FAM222B: variants seen among roughly 807,000 people sequenced by gnomAD.
The protein encoded by FAM222B is family with sequence similarity 222 member B, also known as protein FAM222B.
A neutral mutation model predicts 38.0 loss-of-function variants in FAM222B; 12 were observed. That is an observed-to-expected ratio of 0.32 (90% confidence interval 0.20 to 0.51). The LOEUF (loss-of-function observed/expected upper bound fraction) is 0.51. FAM222B is among the 20% of genes least tolerant of loss of function. FAM222B has a pLI of 0.97. For synonymous variants in FAM222B, 329 were observed against 317.2 expected, an observed-to-expected ratio of 1.04 and a Z score of -0.40; for missense variants, 716 against 754.2, an observed-to-expected ratio of 0.95 and a Z score of 0.59.
At chr17:28,831,441 T>C (rs904326603) in intron 1 of FAM222B, among the ~76,000 whole-genome samples, 8 of 152,058 alleles carry the variant, frequency 5.3e-5, no homozygotes, top group Non-Finnish European at 8.8e-5. Context: ...TTTTTCAAAA[T>C]TGTTTTGGCT....
At chr17:28,838,954 C>T (rs2038943833) in intron 1 of FAM222B, among the ~76,000 whole-genome samples, 1 of 151,982 alleles carries the variant, frequency 6.6e-6, no homozygotes, top group African/African-American at 2.4e-5. Flanking sequence ...CCTGTAATCC[C>T]AGCACTTTGG....
intron 1 of FAM222B, among the ~76,000 whole-genome samples, chr17:28,817,339 G>A (rs1425067394): frequency 2.0e-5 from 3 of 151,886 alleles, no homozygotes; most frequent in African/African-American, 7.3e-5. Flanking sequence ...CTTGAACCTG[G>A]GAGACAGAGA....
chr17:28,825,880 T>C (rs1280132346), intron 1 of FAM222B, among the ~76,000 whole-genome samples: 2 of 151,764 alleles, frequency 1.3e-5, no homozygotes, highest in Admixed American at 1.3e-4. Context: ...GGTTCAAGAA[T>C]TCTCCTGCCT....
intron 2 of FAM222B, 142 bp downstream of exon 2, chr17:28,766,444 C>G (rs1451736213): frequency 3.0e-6 from 2 of 667,644 alleles, no homozygotes; most frequent in Non-Finnish European, 5.0e-6. Flanking sequence ...GTGACAAGAG[C>G]AAGACTTCGT....
chr17:28,822,250 G>C (rs957094893), intron 1 of FAM222B, among the ~76,000 whole-genome samples: 1 of 149,234 alleles, frequency 6.7e-6, no homozygotes, highest in African/African-American at 2.4e-5. Context: ...TCGATCTCTT[G>C]ACCTCGTGAT....
chr17:28,850,298 GTTTCTTTTTTTT>G (rs1567915491), intron 1 of FAM222B, among the ~76,000 whole-genome samples: 1 of 151,420 alleles, frequency 6.6e-6, no homozygotes, highest in African/African-American at 2.4e-5. Flanking sequence ...GGCCATATGA[GTTTCTTTTTTTT>G]TTTCTTTTTA....
chr17:28,771,383 T>C (rs960888284), intron 1 of FAM222B, among the ~76,000 whole-genome samples: 3 of 152,108 alleles, frequency 2.0e-5, no homozygotes, highest in Non-Finnish European at 4.4e-5. Context: ...TTGCAACATA[T>C]ATAAAATAAC....
chr17:28,759,892 G>A lies in FAM222B; in HGVS notation c.83-16C>T, dbSNP rs1344615912. On this transcript the variant is annotated splice_polypyrimidine_tract_variant and intron_variant, in intron 2 of 2. Transcript: ENST00000581407. This position sits in a 1 kb window ranked among gnomAD's most constrained non-coding sequence, Gnocchi z 4.8. ...GTAGTGTCCCCTAGAGAGAGAGAAT[G>A]GGAAGGAGAGCAAAGAGGGAGAGGG... The A allele has an allele frequency of 6.7e-7, 1 of 1,503,496 alleles. No homozygotes were observed. The highest frequency in any genetic ancestry group is 8.9e-7 in the Non-Finnish European group (1 of 1,120,508). 93.1% of individuals were successfully genotyped at this position (1,503,496 alleles called of 1,614,324 possible).
At chr17:28,813,269 T>A (rs1357896480) in intron 1 of FAM222B, among the ~76,000 whole-genome samples, 1 of 151,778 alleles carries the variant, frequency 6.6e-6, no homozygotes, top group African/African-American at 2.4e-5. Context: ...CTTTAGCAGG[T>A]TTCAGTACAA....
Position 28,792,691 on chromosome 17 carries a change from G to A in FAM222B, c.-40-25984C>T, listed in dbSNP as rs570545171. ...AGTTACTTGGGGGGCCAAGGCACGA[G>A]AACTGCTTGAACCCAGGAGGTGGAA... On this transcript the variant is annotated intron_variant, in intron 1 of 2. Coordinates refer to ENST00000581407, the MANE Select transcript of FAM222B (RefSeq NM_001077498.3). Among the ~76,000 whole-genome samples, 3 of 150,034 alleles carry A rather than the reference G, an allele frequency of 2.0e-5. No individual in the cohort carries two copies. The East Asian group carries it at 5.9e-4, about 29-fold the overall frequency.
chr17:28,823,901 G>A (rs1312284864), intron 1 of FAM222B, among the ~76,000 whole-genome samples: 9 of 138,198 alleles, frequency 6.5e-5, no homozygotes, highest in Admixed American at 2.3e-4. Flanking sequence ...TTTTTGAGAC[G>A]GAGTCTTGCT....
At position 28,766,571 on chromosome 17, in the gene FAM222B, A is replaced by G; in HGVS notation, c.82+15T>C. ...CAAAGAATCACACATGCTCCATAGGATCCAGATTACTTACATTTCTGAAGT... is the reference window on the plus strand; with the variant it reads ...CAAAGAATCACACATGCTCCATAGGGTCCAGATTACTTACATTTCTGAAGT... On this transcript the variant is annotated intron_variant, in intron 2 of 2. Coordinates refer to ENST00000581407, the MANE Select transcript of FAM222B (RefSeq NM_001077498.3). 1 of 1,581,348 alleles carries G rather than the reference A, an allele frequency of 6.3e-7. No homozygotes were observed. The highest frequency in any genetic ancestry group is 1.2e-5 in the South Asian group (1 of 86,416).
chr17:28,779,751 AAAATAAATAAATAAAT>A lies in FAM222B; in HGVS notation c.-40-13060_-40-13045del, dbSNP rs57583458. Reference sequence around the variant, plus strand: ...GGGCGACAGAGCGAGACTCCGTCTCAAAATAAATAAATAAATAAATAAATAAATAAATAAATAAATA... The same window carrying A: ...GGGCGACAGAGCGAGACTCCGTCTCAAAATAAATAAATAAATAAATAAATA... On this transcript the variant is annotated intron_variant, in intron 1 of 2. Coordinates refer to ENST00000581407, the MANE Select transcript of FAM222B (RefSeq NM_001077498.3). Among the ~76,000 whole-genome samples the A allele has an allele frequency of 3.2e-3, 467 of 144,690 alleles. 5 individuals are homozygous for A. Among genetic ancestry groups the A allele is most frequent in the African/African-American group, 9.7e-3 (385 of 39,518 alleles). The allele number at this position is 144,690 out of a possible 152,430, so 94.9% of individuals were successfully genotyped here.
chr17:28,780,170 C>G (rs2151837125), intron 1 of FAM222B, among the ~76,000 whole-genome samples: 1 of 152,112 alleles, frequency 6.6e-6, no homozygotes, highest in Middle Eastern at 3.4e-3. Flanking sequence ...CGGGGTTTCA[C>G]CATACTGGCC....
intron 1 of FAM222B, among the ~76,000 whole-genome samples, chr17:28,813,026 GGGGGGGGGGGGGGGGA>G (rs1318129675): frequency 3.1e-5 from 2 of 64,420 alleles, no homozygotes; most frequent in Non-Finnish European, 7.1e-5. Context: ...ATTAAGCGGG[GGGGGGGGGGGGGGGGA>G]GGGGGGGGCG....
chr17:28,826,362 C>T (rs553324164), intron 1 of FAM222B, among the ~76,000 whole-genome samples: 10 of 151,484 alleles, frequency 6.6e-5, no homozygotes, highest in East Asian at 1.9e-4. Context: ...AAGCCACCCA[C>T]GCCCGGCCAT....
In FAM222B at chr17:28,758,509, G is replaced by C. The variant is rs879185863; in HGVS notation, c.1450C>G (p.Pro484Ala). The C allele has an allele frequency of 1.2e-6, 2 of 1,611,960 alleles. No homozygotes were observed. The highest frequency in any genetic ancestry group is 2.7e-5 in the African/African-American group (2 of 74,918). The change falls in exon 3 of 3, where the codon CCC (proline) becomes GCC (alanine). Residue 484 changes from proline (P) to alanine (A), a missense_variant. By Grantham distance (27) the Pro-to-Ala change is conservative (BLOSUM62 -1). Transcript: ENST00000581407. ...PFHGGQPTGA[P>A]LDCAAAPGAH... ...CCGGGAGCTGCCGCACAGTCGAGGGGTGCACCTGTGGGCTGCCCACCGTGG... is the reference window on the plus strand; with the variant it reads ...CCGGGAGCTGCCGCACAGTCGAGGGCTGCACCTGTGGGCTGCCCACCGTGG...
At chr17:28,822,802 C>CAAAAAAAAAAAAAAA (rs71135859) in intron 1 of FAM222B, among the ~76,000 whole-genome samples, 1 of 9,882 alleles carries the variant, frequency 1.0e-4, no homozygotes, top group Non-Finnish European at 1.8e-4. Flanking sequence ...GACTCCATCT[C>CAAAAAAAAAAAAAAA]AAAAAAAAAA....
chr17:28,841,913 T>C (rs2039050573), intron 1 of FAM222B, among the ~76,000 whole-genome samples: 1 of 152,168 alleles, frequency 6.6e-6, no homozygotes. Context: ...AAAGCACATA[T>C]GTGTCTACTG....
Sources: allele counts gnomAD v4.1 joint callset (sites outside exome capture counted in the v4.1 genomes callset), GRCh38; gene constraint gnomAD v4.1.1; non-coding constraint Gnocchi (gnomAD v3.1); transcripts MANE v1.5; gene names NCBI Gene and HGNC (gene_info 2026-07-23, HGNC 2026-07-21).